The following GALNS variants were observed in gnomAD, a reference collection of about 807,000 sequenced individuals.
GALNS encodes the protein galactosamine (N-acetyl)-6-sulfatase.
A neutral mutation model predicts 65.9 loss-of-function variants in GALNS; 65 were observed. That is an observed-to-expected ratio of 0.99 (90% CI 0.81 to 1.21). The LOEUF is 1.21. Among genes scored for constraint, GALNS ranks in the 50% most tolerant of loss-of-function variants. The pLI is 0.00. For missense variants in GALNS, 776 were observed against 700.7 expected, an observed-to-expected ratio of 1.11 and a Z score of -1.21; for synonymous variants, 346 against 288.9, an observed-to-expected ratio of 1.20 and a Z score of -2.00.
chr16:88,837,068 G>A (rs1170600386), intron 5 of GALNS, among the ~76,000 whole-genome samples: 1 of 152,258 alleles, frequency 6.6e-6, no homozygotes, highest in Non-Finnish European at 1.5e-5. Context: ...GTCATGTAAT[G>A]AATGAGCACT....
At chr16:88,842,496 C>T (rs1252755603) in intron 2 of GALNS, 1 of 631,284 alleles carries the variant, frequency 1.6e-6, no homozygotes, top group African/African-American at 1.8e-5. Flanking sequence ...GCAACTTCGA[C>T]CCTGAAAACC....
In GALNS at chr16:88,841,010, C is replaced by T; in HGVS notation, c.404G>A (p.Ser135Asn). The change falls in exon 4 of 14, where the codon AGC (serine) becomes AAC (asparagine). Residue 135 changes from serine (S) to asparagine (N), a missense_variant. Physicochemically the swap from Ser to Asn is conservative, Grantham distance 46. Coordinates refer to ENST00000268695, the MANE Select transcript of GALNS (RefSeq NM_000512.5). ...PELLKKAGYV[S>N]KIVGKWHLGH... ...GACTTACCACTTGCCGACAATCTTG[C>T]TGACGTAGCCGGCCTTCTTCAGAAG... is the stretch of plus-strand genomic sequence containing the variant. The T allele has an allele frequency of 2.5e-6, 4 of 1,613,194 alleles. No homozygotes were observed. The South Asian group carries it at 3.3e-5, about 13-fold the overall frequency.
Position 88,835,341 on chromosome 16 carries a change from G to C in GALNS, c.770C>G (p.Ala257Gly). ...AATGCTGTCATCAATCTCCCGGACG[G>C]CGTCTCCATACCTGCAGGATGGTGA... ...GTSQRGRYGD[A>G]VREIDDSIGK... is the part of the protein sequence containing the mutation. The change falls in exon 8 of 14, where the codon GCC becomes GGC. Residue 257 changes from alanine to glycine, a missense_variant. Transcript: ENST00000268695. 5.0e-6 allele frequency: 8 copies of C among 1,613,716 alleles called. No individual in the cohort carries two copies. The highest frequency in any genetic ancestry group is 6.8e-6 in the Non-Finnish European group (8 of 1,179,894).
At chr16:88,856,560 TC>T in intron 1 of GALNS, 197 bp downstream of exon 1, 3 of 548,314 alleles carry the variant, frequency 5.5e-6, no homozygotes, top group East Asian at 6.6e-5. Context: ...CCGAGGGGCC[TC>T]CCCCTCCCCG....
In GALNS at chr16:88,814,172, CGT is replaced by C; in HGVS notation, c.*265_*266del. 1.8e-6 allele frequency: 1 copy of C among 559,514 alleles called. No individual in the cohort carries two copies. The highest frequency in any genetic ancestry group is 3.2e-6 in the Non-Finnish European group (1 of 310,598). 34.7% of individuals were successfully genotyped at this position (559,514 alleles called of 1,614,324 possible). On this transcript the variant is annotated 3_prime_UTR_variant, in exon 14 of 14. Coordinates refer to ENST00000268695, the MANE Select transcript of GALNS (RefSeq NM_000512.5). The stretch of plus-strand genomic sequence containing the variant: ...CTCAGATATTTGGGGTTCACAAAGG[CGT>C]GAGACGGCAGGGTCCTGAGGTCTGA...
At chr16:88,844,791 T>C (rs1360318175) in intron 1 of GALNS, 1 of 152,294 alleles carries the variant, frequency 6.6e-6, no homozygotes, top group African/African-American at 2.4e-5. Context: ...AATATGGATA[T>C]TTAGAGCTGG....
intron 12 of GALNS, among the ~76,000 whole-genome samples, chr16:88,818,699 T>G (rs1909896742): frequency 6.6e-6 from 1 of 152,224 alleles, no homozygotes; most frequent in African/African-American, 2.4e-5. Flanking sequence ...ATGCTGTGAA[T>G]CTTGGGTCCA....
chr16:88,842,994 G>A, intron 1 of GALNS, 165 bp from the exon 2 acceptor site: 1 of 1,508,400 alleles, frequency 6.6e-7, no homozygotes, highest in Admixed American at 2.0e-5. Context: ...TCGCCTGCGT[G>A]CGTGCACGAT....
In GALNS at chr16:88,814,248, G is replaced by A. The variant is rs528103425; in HGVS notation, c.*191C>T. 4.0e-4 allele frequency: 300 copies of A among 745,698 alleles called. 4 individuals are homozygous for A. The South Asian group carries it at 4.2e-3, about 10-fold the overall frequency. The allele number at this position is 745,698 out of a possible 1,614,324, so 46.2% of individuals were successfully genotyped here. On this transcript the variant is annotated 3_prime_UTR_variant, in exon 14 of 14. Transcript: ENST00000268695. Reference sequence around the variant, plus strand: ...TCCTGAAATCTGAGGCGCCGTGGGCGAGGAGGAGGGCCAAGCACACGCCAG... The same window carrying A: ...TCCTGAAATCTGAGGCGCCGTGGGCAAGGAGGAGGGCCAAGCACACGCCAG...
At chr16:88,834,188 G>A (rs1466233590) in intron 8 of GALNS, among the ~76,000 whole-genome samples, 10 of 152,374 alleles carry the variant, frequency 6.6e-5, no homozygotes, top group Middle Eastern at 3.4e-3. Flanking sequence ...GACGTGGCGC[G>A]AGGGAGCCTA....
At chr16:88,822,088 G>A (rs534176179) in intron 12 of GALNS, among the ~76,000 whole-genome samples, 7 of 152,286 alleles carry the variant, frequency 4.6e-5, no homozygotes, top group Admixed American at 1.3e-4. Flanking sequence ...TGGTACTGGC[G>A]ACCATGACCC....
intron 10 of GALNS, among the ~76,000 whole-genome samples, chr16:88,825,989 G>C (rs943203977): frequency 1.3e-5 from 2 of 152,174 alleles, no homozygotes; most frequent in East Asian, 1.9e-4. Context: ...CTGCTCTCAG[G>C]GGGTAGGAAA....
chr16:88,831,051 G>C (rs1046795369), intron 9 of GALNS, among the ~76,000 whole-genome samples: 6 of 152,210 alleles, frequency 3.9e-5, no homozygotes, highest in Non-Finnish European at 7.3e-5. Context: ...GCGGTGACTG[G>C]ACCACGGATG....
Position 88,840,897 on chromosome 16 carries a change from C to G in GALNS, c.422+95G>C, listed in dbSNP as rs1966933575. 7.2e-6 allele frequency: 7 copies of G among 967,248 alleles called. No homozygotes were observed. In the African/African-American group the frequency reaches 8.0e-5, roughly 11 times the overall value. The allele number at this position is 967,248 out of a possible 1,614,324, so 59.9% of individuals were successfully genotyped here. ...GCTGCCGTTTCCCACCCAAGACACC[C>G]TCCTCATTTGGAAACTTGTGGCCAT... On this transcript the variant is annotated intron_variant, in intron 4 of 13. Transcript: ENST00000268695.
intron 1 of GALNS, chr16:88,843,915 G>T (rs77531655): frequency 0.022 from 3,347 of 151,928 alleles, 108 homozygotes; most frequent in African/African-American, 0.065. Context: ...CACAGGCTGT[G>T]ATTTGCTCAT....
At chr16:88,824,488 G>A (rs946345214) in intron 11 of GALNS, among the ~76,000 whole-genome samples, 20 of 152,170 alleles carry the variant, frequency 1.3e-4, no homozygotes, top group African/African-American at 4.8e-4. Context: ...AGAGGCCCAT[G>A]GGGGCCACCT....
intron 1 of GALNS, chr16:88,856,233 G>C (rs1029433962): frequency 8.5e-6 from 6 of 702,934 alleles, no homozygotes; most frequent in African/African-American, 7.0e-5. Context: ...CCAGAGGACA[G>C]AGACAGCCGT....
At chr16:88,847,992 A>G (rs1172529126) in intron 1 of GALNS, among the ~76,000 whole-genome samples, 1 of 152,276 alleles carries the variant, frequency 6.6e-6, no homozygotes, top group African/African-American at 2.4e-5. Context: ...GTCCCTCCAC[A>G]CTGTGGACCA....
chr16:88,847,341 A>C (rs1967293134), intron 1 of GALNS, among the ~76,000 whole-genome samples: 1 of 152,170 alleles, frequency 6.6e-6, no homozygotes, highest in Non-Finnish European at 1.5e-5. Flanking sequence ...ACGGCAGTCC[A>C]GCCTAGGTAA....
Sources: gnomAD v4.1 joint callset for allele counts (sites outside exome capture counted in the v4.1 genomes callset) on GRCh38, gnomAD v4.1.1 for gene constraint, MANE v1.5 for transcripts, NCBI Gene and HGNC (gene_info 2026-07-23, HGNC 2026-07-21) for gene names.